The following APOC4 variants were observed in gnomAD, a reference collection of about 807,000 sequenced individuals.
APOC4 encodes the protein apolipoprotein C4, also known as apolipoprotein C-IV.
In APOC4, 10 loss-of-function variants were observed where a neutral mutation model predicts 8.4. The ratio of observed to expected loss-of-function variants is 1.19; its 90% CI spans 0.74 to 2.03. The LOEUF is 2.03. APOC4 is among the 30% of genes most tolerant of loss of function. The probability of loss-of-function intolerance (pLI) is 0.00; values close to 1 mark genes in which losing one functional copy is unlikely to be tolerated. For synonymous variants in APOC4, 59 were observed against 65.8 expected (o/e 0.90, Z 0.50); for missense variants, 160 against 156.1 (o/e 1.02, Z -0.13).
chr19:44,943,727 A>G (rs75860973), intron 1 of APOC4, among the ~76,000 whole-genome samples: 1 of 140,468 alleles, frequency 7.1e-6, no homozygotes, highest in Non-Finnish European at 1.5e-5. Context: ...ACTCCGTCTG[A>G]AAAAAAAAAA....
intron 1 of APOC4, 143 bp downstream of exon 1, chr19:44,942,496 G>C: frequency 1.4e-6 from 1 of 725,804 alleles, no homozygotes; most frequent in South Asian, 2.1e-5. Flanking sequence ...TGCGTGTCGG[G>C]GAGTGTGTGT....
Position 44,945,431 on chromosome 19 carries a change from CTT to C in APOC4, c.*127_*128del, listed in dbSNP as rs963390202. The C allele has an allele frequency of 3.3e-6, 3 of 902,428 alleles. No individual in the cohort carries two copies. The African/African-American group carries it at 5.1e-5, about 15-fold the overall frequency. 55.9% of individuals were successfully genotyped at this position (902,428 alleles called of 1,614,324 possible). ...CAGCCTGGGCAACACAGCGAGATCT[CTT>C]GGGGGTAAAACAAAAAGAAAAAAAA... is the stretch of plus-strand genomic sequence containing the variant. On this transcript the variant is annotated 3_prime_UTR_variant, in exon 3 of 3. Transcript: ENST00000592954.
intron 1 of APOC4, among the ~76,000 whole-genome samples, 153 bp downstream of exon 1, chr19:44,942,506 T>C (rs1017229278): frequency 6.6e-6 from 1 of 152,108 alleles, no homozygotes; most frequent in African/African-American, 2.4e-5. Flanking sequence ...GGAGTGTGTG[T>C]GTCGGTGGCT....
chr19:44,944,711 G>T, intron 1 of APOC4, 38 bp from the exon 2 acceptor site: 1 of 1,589,466 alleles, frequency 6.3e-7, no homozygotes, highest in East Asian at 2.2e-5. Flanking sequence ...GGATTCTAGG[G>T]TCCCAGCCTA....
intron 1 of APOC4, 72 bp downstream of exon 1, chr19:44,942,425 C>A: frequency 6.8e-7 from 1 of 1,480,342 alleles, no homozygotes; most frequent in Admixed American, 1.9e-5. Flanking sequence ...TGTCCTGTGG[C>A]TCTGTAGCCA....
At position 44,942,927 on chromosome 19, in the gene APOC4, A is replaced by AT. The variant is rs1169951567; in HGVS notation, c.76+586dup. 3.7e-3 allele frequency among the ~76,000 whole-genome samples: 485 copies of AT among 132,526 alleles called. 1 individual carries two copies. The highest frequency in any genetic ancestry group is 0.011 in the African/African-American group (388 of 35,606). 86.9% of individuals were successfully genotyped at this position (132,526 alleles called of 152,430 possible). On this transcript the variant is annotated intron_variant, in intron 1 of 2. Coordinates refer to ENST00000592954, the MANE Select transcript of APOC4 (RefSeq NM_001646.3). ...AGACACACGCCACCATGCCTGGCTA[A>AT]TTTTTTTTTTTTGAGACGGAGTCTC...
At chr19:44,942,494 G>A (rs1483809610) in intron 1 of APOC4, 141 bp downstream of exon 1, 4 of 730,044 alleles carry the variant, frequency 5.5e-6, no homozygotes, top group Non-Finnish European at 8.6e-6. Flanking sequence ...TGTGCGTGTC[G>A]GGGAGTGTGT....
chr19:44,943,172 C>T (rs1323414284), intron 1 of APOC4, among the ~76,000 whole-genome samples: 5 of 151,944 alleles, frequency 3.3e-5, no homozygotes, highest in African/African-American at 7.2e-5. Context: ...CCGCCTGCCT[C>T]GGCCTTCCAA....
intron 1 of APOC4, among the ~76,000 whole-genome samples, chr19:44,944,419 C>T (rs904012393): frequency 4.6e-5 from 7 of 151,768 alleles, no homozygotes; most frequent in African/African-American, 1.2e-4. Context: ...CCCTGCTACT[C>T]GGGAGGCTGA....
In APOC4 at chr19:44,944,494, T is replaced by C. The variant is rs28616151; in HGVS notation, c.77-255T>C. Among the ~76,000 whole-genome samples the C allele has an allele frequency of 8.6e-3, 1,264 of 147,736 alleles. 16 individuals are homozygous for C. The highest frequency in any genetic ancestry group is 0.03 in the African/African-American group (1,194 of 39,690). On this transcript the variant is annotated intron_variant, in intron 1 of 2. Transcript: ENST00000592954. The stretch of plus-strand genomic sequence containing the variant: ...ATGAGACGAGATCATGACACTGCAC[T>C]CCACCCTGGGCAACAGAGCAAGAGA...
chr19:44,943,004 G>C (rs10409808), intron 1 of APOC4, among the ~76,000 whole-genome samples: 151,692 of 151,736 alleles, frequency 1, 75,824 homozygotes, highest in Middle Eastern at 1. Flanking sequence ...TCACTGCAAC[G>C]TCCGCCTCCC....
rs1006430121 is a variant in APOC4, at chr19:44,944,642, G to A, written c.77-107G>A. 9 of 1,401,066 alleles carry A rather than the reference G, an allele frequency of 6.4e-6. No individual in the cohort carries two copies. In the East Asian group the frequency reaches 2.0e-4, roughly 31 times the overall value. The allele number at this position is 1,401,066 out of a possible 1,614,324, so 86.8% of individuals were successfully genotyped here. Reference sequence around the variant, plus strand: ...GGCAGGAGGCAAGAGGACTGGCAGGGGGCTGCCCCTGGGCCACCGGGAGCG... The same window carrying A: ...GGCAGGAGGCAAGAGGACTGGCAGGAGGCTGCCCCTGGGCCACCGGGAGCG... On this transcript the variant is annotated intron_variant, in intron 1 of 2. Transcript: ENST00000592954.
At position 44,945,246 on chromosome 19, in the gene APOC4, T is replaced by C; in HGVS notation, c.325T>C (p.Leu109=). ...GTTCCTCGAATCCAAAGACAGCCTC[T>C]TGAAGAAGACCCACAGCCTGTGCCC... ...AWFLESKDSL[L]KKTHSLCPRL... Residue 109 remains leucine, a synonymous_variant, in exon 3 of 3, where the codon TTG becomes CTG. Transcript: ENST00000592954. 6.2e-7 allele frequency: 1 copy of C among 1,614,014 alleles called. No homozygotes were observed. The highest frequency in any genetic ancestry group is 1.1e-5 in the South Asian group (1 of 91,080).
chr19:44,943,120 G>T (rs1368322529), intron 1 of APOC4, among the ~76,000 whole-genome samples: 2 of 151,882 alleles, frequency 1.3e-5, no homozygotes, highest in Admixed American at 6.6e-5. Context: ...ACGGGGTTTC[G>T]CCGTGTTAGC....
At chr19:44,943,201 G>A (rs567151577) in intron 1 of APOC4, among the ~76,000 whole-genome samples, 85 of 152,000 alleles carry the variant, frequency 5.6e-4, no homozygotes, top group African/African-American at 1.9e-3. Context: ...GATTATAGGC[G>A]TGAGCCACTG....
rs1970306065 is a variant in APOC4, at chr19:44,945,271, C to T, written c.350C>T (p.Pro117Leu). Residue 117 changes from proline (P) to leucine (L), a missense_variant, in exon 3 of 3, where the codon CCC becomes CTC. By Grantham distance (98) the Pro-to-Leu change is moderately conservative. Coordinates refer to ENST00000592954, the MANE Select transcript of APOC4 (RefSeq NM_001646.3). Reference sequence around the variant, plus strand: ...TTGAAGAAGACCCACAGCCTGTGCCCCAGGCTTGTCTGTGGGGACAAGGAC... The same window carrying T: ...TTGAAGAAGACCCACAGCCTGTGCCTCAGGCTTGTCTGTGGGGACAAGGAC... ...SLLKKTHSLC[P>L]RLVCGDKDQG 5 of 1,613,726 alleles carry T rather than the reference C, an allele frequency of 3.1e-6. No individual in the cohort carries two copies. In the East Asian group the frequency reaches 1.1e-4, roughly 36 times the overall value.
rs932258351 is a variant in APOC4 at position 44,945,131 on chromosome 19, C to T, written c.219-9C>T. On this transcript the variant is annotated splice_polypyrimidine_tract_variant and intron_variant, in intron 2 of 2. Coordinates refer to ENST00000592954, the MANE Select transcript of APOC4 (RefSeq NM_001646.3). ...TGGGGCCTCCACTGTGATGTCCTCTCTCCTGTAGGAGCCCGAGCACCTTCC... is the reference window on the plus strand; with the variant it reads ...TGGGGCCTCCACTGTGATGTCCTCTTTCCTGTAGGAGCCCGAGCACCTTCC... 1.2e-6 allele frequency: 2 copies of T among 1,612,950 alleles called. No homozygotes were observed. Among genetic ancestry groups the T allele is most frequent in the Non-Finnish European group, 8.5e-7 (1 of 1,179,534 alleles).
At position 44,942,253 on chromosome 19, in the gene APOC4, G is replaced by A; in HGVS notation, c.-25G>A. On this transcript the variant is annotated 5_prime_UTR_variant, in exon 1 of 3. Coordinates refer to ENST00000592954, the MANE Select transcript of APOC4 (RefSeq NM_001646.3). ...CCGGCCCGCAGAGTTGAGCACAGAG[G>A]GACAGAGGCACGGAACCCCCAGAAA... The A allele has an allele frequency of 1.9e-6, 3 of 1,596,118 alleles. No homozygotes were observed. The highest frequency in any genetic ancestry group is 2.6e-6 in the Non-Finnish European group (3 of 1,171,232).
At chr19:44,945,118 T>C (rs761402543) in intron 2 of APOC4, 22 bp from the exon 3 acceptor site, 1 of 1,608,260 alleles carries the variant, frequency 6.2e-7, no homozygotes, top group Non-Finnish European at 8.5e-7. Context: ...GGGCCTCCAC[T>C]GTGATGTCCT....
Sources: gnomAD v4.1 joint callset for allele counts (sites outside exome capture counted in the v4.1 genomes callset) on GRCh38, gnomAD v4.1.1 for gene constraint, MANE v1.5 for transcripts, NCBI Gene and HGNC (gene_info 2026-07-23, HGNC 2026-07-21) for gene names.